The following DLC1 variants were observed in gnomAD, a reference collection of about 807,000 sequenced individuals.
DLC1 encodes the protein DLC1 Rho GTPase activating protein.
Under a neutral mutation model 140.3 loss-of-function variants are expected in DLC1, and 54 were observed. The ratio of observed to expected loss-of-function variants is 0.38; its 90% confidence interval spans 0.31 to 0.48. DLC1 has a LOEUF of 0.48. Ranked by LOEUF, DLC1 falls within the 20% of genes least tolerant of loss-of-function variation. DLC1 has a pLI of 0.96. For synonymous variants in DLC1, 986 were observed against 728.1 expected (o/e 1.35, Z -5.70); for missense variants, 2,536 against 1,907.0 (o/e 1.33, Z -6.14).
intron 4 of DLC1, among the ~76,000 whole-genome samples, chr8:13,318,080 T>C (rs1160921973): frequency 6.6e-6 from 1 of 152,068 alleles, no homozygotes; most frequent in Non-Finnish European, 1.5e-5. Flanking sequence ...CAGGATGGAG[T>C]GCAGTGGTAT....
intron 1 of DLC1, among the ~76,000 whole-genome samples, chr8:13,548,220 T>TCCCA (rs1479617214): frequency 2.0e-5 from 3 of 152,140 alleles, no homozygotes; most frequent in Non-Finnish European, 4.4e-5. Context: ...AAGTTAACAA[T>TCCCA]CCCACGCCTA....
At chr8:13,569,782 T>A (rs774264015) in intron 1 of DLC1, among the ~76,000 whole-genome samples, 1 of 152,208 alleles carries the variant, frequency 6.6e-6, no homozygotes, top group Non-Finnish European at 1.5e-5. Context: ...AATGCAGTGG[T>A]GCAATTACTG....
At chr8:13,579,101 G>GACTCTCCT (rs1804950136) in intron 1 of DLC1, among the ~76,000 whole-genome samples, 1 of 150,792 alleles carries the variant, frequency 6.6e-6, no homozygotes, top group Non-Finnish European at 1.5e-5. Context: ...CTCTGTGCCA[G>GACTCTCCT]ACTCTCCTAT....
Position 13,214,632 on chromosome 8 carries a change from G to T in DLC1, c.1348+90637C>A, listed in dbSNP as rs748790870. The stretch of plus-strand genomic sequence containing the variant: ...CTGCCAGGCACACACCGGCCTAGGT[G>T]ATGTTTTCTTCTCCAGCAACATGGA... On this transcript the variant is annotated intron_variant, in intron 5 of 17. Transcript: ENST00000276297. 6.4e-5 allele frequency: 50 copies of T among 778,842 alleles called. No homozygotes were observed. The South Asian group carries it at 6.6e-4, about 10-fold the overall frequency. The allele number at this position is 778,842 out of a possible 1,614,324, so 48.2% of individuals were successfully genotyped here.
chr8:13,462,330 A>G (rs1434839816), intron 2 of DLC1, among the ~76,000 whole-genome samples: 1 of 152,078 alleles, frequency 6.6e-6, no homozygotes, highest in Non-Finnish European at 1.5e-5. Context: ...TCCACCTGGG[A>G]ACTTTTCTTT....
chr8:13,412,297 A>G (rs1471390323), intron 2 of DLC1, among the ~76,000 whole-genome samples: 1 of 152,212 alleles, frequency 6.6e-6, no homozygotes, highest in Non-Finnish European at 1.5e-5. Flanking sequence ...GTTTGACAAT[A>G]TTTTGGAAAT....
intron 2 of DLC1, among the ~76,000 whole-genome samples, chr8:13,453,469 TAC>T (rs1187824049): frequency 1.1e-4 from 3 of 26,500 alleles, no homozygotes; most frequent in African/African-American, 4.0e-4. Flanking sequence ...TGTATATATA[TAC>T]ATATATATGT....
chr8:13,416,934 A>T (rs1261328906), intron 2 of DLC1, among the ~76,000 whole-genome samples: 4 of 152,122 alleles, frequency 2.6e-5, no homozygotes, highest in Non-Finnish European at 5.9e-5. Flanking sequence ...TCACATATTA[A>T]AATCTGTTAT....
intron 2 of DLC1, among the ~76,000 whole-genome samples, chr8:13,411,790 A>G (rs1837795490): frequency 6.6e-6 from 1 of 152,184 alleles, no homozygotes; most frequent in Admixed American, 6.5e-5. Flanking sequence ...AAAATACAGA[A>G]AAATAATAAA....
chr8:13,350,216 C>T (rs1258892404), intron 4 of DLC1, among the ~76,000 whole-genome samples: 1 of 152,134 alleles, frequency 6.6e-6, no homozygotes, highest in Non-Finnish European at 1.5e-5. Context: ...TTAAGGCCCA[C>T]TTTTAAACAT....
chr8:13,603,015 A>T (rs1479925897), intron 1 of DLC1, among the ~76,000 whole-genome samples: 1 of 151,930 alleles, frequency 6.6e-6, no homozygotes, highest in South Asian at 2.1e-4. Flanking sequence ...TAGGGATTTT[A>T]CGTGGCAATA....
intron 2 of DLC1, among the ~76,000 whole-genome samples, chr8:13,478,471 C>T (rs2117104071): frequency 6.6e-6 from 1 of 152,288 alleles, no homozygotes; most frequent in Admixed American, 6.5e-5. Context: ...TATTCTTCAC[C>T]TTCTCTCCTG....
chr8:13,385,531 A>G (rs1836484101), intron 4 of DLC1, among the ~76,000 whole-genome samples: 2 of 152,212 alleles, frequency 1.3e-5, no homozygotes, highest in Non-Finnish European at 2.9e-5. Flanking sequence ...ACAGTCAAGG[A>G]TAAAGGAGGT....
At chr8:13,147,813 C>A (rs539813227) in intron 5 of DLC1, among the ~76,000 whole-genome samples, 89 of 152,156 alleles carry the variant, frequency 5.8e-4, no homozygotes, top group African/African-American at 2.0e-3. Flanking sequence ...CATGGTGAAA[C>A]CCCGTCTCTA....
chr8:13,411,792 A>T (rs1837795552), intron 2 of DLC1, among the ~76,000 whole-genome samples: 1 of 152,180 alleles, frequency 6.6e-6, no homozygotes, highest in African/African-American at 2.4e-5. Flanking sequence ...AATACAGAAA[A>T]ATAATAAATT....
Position 13,108,460 on chromosome 8 carries a change from C to G in DLC1, c.1502+2282G>C, listed in dbSNP as rs201778633. ...TTCACCAAAGATCTAGCAGCACAGA[C>G]TTATTCGCTTCAGAGAAAGGTGGCT... On this transcript the variant is annotated intron_variant, in intron 7 of 17. Coordinates refer to ENST00000276297, the MANE Select transcript of DLC1 (RefSeq NM_182643.3). 3.3e-5 allele frequency among the ~76,000 whole-genome samples: 5 copies of G among 152,320 alleles called. No individual in the cohort carries two copies. In the East Asian group the frequency reaches 9.6e-4, roughly 29 times the overall value.
At chr8:13,355,484 G>T (rs1338391823) in intron 4 of DLC1, among the ~76,000 whole-genome samples, 1 of 152,164 alleles carries the variant, frequency 6.6e-6, no homozygotes, top group Admixed American at 6.5e-5. Flanking sequence ...GTCTGGCAGG[G>T]TTCTGCTTCT....
chr8:13,146,007 A>G (rs572359115), intron 5 of DLC1, among the ~76,000 whole-genome samples: 5 of 152,262 alleles, frequency 3.3e-5, no homozygotes, highest in African/African-American at 1.2e-4. Context: ...GGCCGGGCGC[A>G]GTGGCTCATA....
At chr8:13,133,274 G>A in intron 5 of DLC1, 1 of 1,322,106 alleles carries the variant, frequency 7.6e-7, no homozygotes, top group Non-Finnish European at 9.6e-7. Context: ...CCTCGCTCGG[G>A]CAGTCGGAGC....
Sources: allele counts gnomAD v4.1 joint callset (sites outside exome capture counted in the v4.1 genomes callset), GRCh38; gene constraint gnomAD v4.1.1; transcripts MANE v1.5; gene names NCBI Gene and HGNC (gene_info 2026-07-23, HGNC 2026-07-21).